Variants in PHF2 observed in about 807,000 individuals in gnomAD.
PHF2 encodes the protein PHD finger protein 2.
Under a neutral mutation model 120.5 loss-of-function variants are expected in PHF2, and 27 were observed. The observed-to-expected ratio is 0.22, with a 90% CI of 0.17 to 0.31. The LOEUF (loss-of-function observed/expected upper bound fraction) is 0.31. PHF2 is among the 10% of genes least tolerant of loss of function. The pLI is 1.00. For missense variants in PHF2, 1,024 were observed against 1,434.8 expected (o/e 0.71, Z 4.63); for synonymous variants, 568 against 592.5 (o/e 0.96, Z 0.60).
In PHF2 at chr9:93,656,235, C is replaced by G. The variant is rs1354600020; in HGVS notation, c.1040+214C>G. ...CAGGCCGGCTCCTCAAGGGACCTGG[C>G]TGCTGGATGGTTGTAGTTGCCCTTG... On this transcript the variant is annotated intron_variant, in intron 8 of 21. Coordinates refer to ENST00000359246, the MANE Select transcript of PHF2 (RefSeq NM_005392.4). This position sits in a 1 kb window ranked among gnomAD's most constrained non-coding sequence, Gnocchi z 4.1. Among the ~76,000 whole-genome samples the G allele has an allele frequency of 6.6e-6, 1 of 152,116 alleles. No individual in the cohort carries two copies. Among genetic ancestry groups the G allele is most frequent in the African/African-American group, 2.4e-5 (1 of 41,446 alleles).
chr9:93,659,118 G>T (rs1476204635), intron 10 of PHF2, among the ~76,000 whole-genome samples: 1 of 152,206 alleles, frequency 6.6e-6, no homozygotes, highest in Non-Finnish European at 1.5e-5. Context: ...GGCAGGAGAG[G>T]CAGCCAGTGC....
chr9:93,646,621 A>G (rs6479501), intron 4 of PHF2, among the ~76,000 whole-genome samples: 98,274 of 152,010 alleles, frequency 0.65, 32,268 homozygotes, highest in African/African-American at 0.69. Flanking sequence ...TGCACCCTTC[A>G]TGGGGTGTGT....
intron 1 of PHF2, among the ~76,000 whole-genome samples, chr9:93,610,547 T>C (rs1476265034): frequency 6.6e-6 from 1 of 152,256 alleles, no homozygotes; most frequent in East Asian, 1.9e-4. Flanking sequence ...TGTGATCTGA[T>C]CATTGCAACA....
At chr9:93,669,843 G>C (rs551528174) in intron 17 of PHF2, among the ~76,000 whole-genome samples, 2 of 152,322 alleles carry the variant, frequency 1.3e-5, no homozygotes, top group South Asian at 4.1e-4. Context: ...TCTGAACCAG[G>C]ACTGGTCCTG....
At chr9:93,613,270 G>T (rs1564381064) in intron 1 of PHF2, among the ~76,000 whole-genome samples, 1 of 152,244 alleles carries the variant, frequency 6.6e-6, no homozygotes, top group African/African-American at 2.4e-5. Flanking sequence ...CAGCACCTCA[G>T]CATAGACTCT....
intron 5 of PHF2, among the ~76,000 whole-genome samples, chr9:93,652,162 G>C (rs1179153695): frequency 6.6e-6 from 1 of 152,114 alleles, no homozygotes; most frequent in East Asian, 1.9e-4. Context: ...TTCGAGTAGA[G>C]ACAACAGCAC....
chr9:93,602,863 C>G (rs1444313660), intron 1 of PHF2, among the ~76,000 whole-genome samples: 1 of 152,136 alleles, frequency 6.6e-6, no homozygotes, highest in African/African-American at 2.4e-5. Flanking sequence ...TGTGGCCTAG[C>G]CTCAGGGCAG....
chr9:93,638,459 G>A (rs1002641214), intron 3 of PHF2, among the ~76,000 whole-genome samples: 3 of 152,202 alleles, frequency 2.0e-5, no homozygotes, highest in Admixed American at 6.5e-5. Context: ...TGTATATGGT[G>A]TGAGGTAAGG....
intron 1 of PHF2, among the ~76,000 whole-genome samples, chr9:93,597,916 A>C (rs769164615): frequency 6.6e-6 from 1 of 152,136 alleles, no homozygotes; most frequent in African/African-American, 2.4e-5. Context: ...CCAGGAGAGC[A>C]TCTTGGCCTG....
At chr9:93,658,009 T>G in intron 9 of PHF2, 136 bp from the exon 10 acceptor site, 1 of 618,706 alleles carries the variant, frequency 1.6e-6, no homozygotes, top group South Asian at 1.9e-5. Flanking sequence ...TGTTGGCAGT[T>G]GAGCTGGTGG....
chr9:93,662,836 A>T, intron 12 of PHF2, 71 bp from the exon 13 acceptor site: 1 of 1,576,870 alleles, frequency 6.3e-7, no homozygotes, highest in South Asian at 1.1e-5. Flanking sequence ...GAAGACAGGG[A>T]ATCTGTGGCT....
intron 1 of PHF2, among the ~76,000 whole-genome samples, chr9:93,600,685 G>A (rs1412048): frequency 0.37 from 56,998 of 152,056 alleles, 11,006 homozygotes; most frequent in Non-Finnish European, 0.4. Context: ...TGGTAACACA[G>A]GCTCCATGCT....
In PHF2 at chr9:93,677,511, T is replaced by TC. The variant is rs1276939749; in HGVS notation, c.3203-70dup. Reference sequence around the variant, plus strand: ...CTGCCCCTTAGTGTCAGCGGGACCCTCCCCCCCACCGGCATGCCACGCCCC... The same window carrying TC: ...CTGCCCCTTAGTGTCAGCGGGACCCTCCCCCCCCACCGGCATGCCACGCCCC... On this transcript the variant is annotated intron_variant, in intron 21 of 21. Transcript: ENST00000359246. The surrounding 1 kb of genome is among the most constrained non-coding windows in gnomAD (Gnocchi z 4.4). 6.1e-5 allele frequency: 64 copies of TC among 1,057,612 alleles called. No homozygotes were observed. Among genetic ancestry groups the TC allele is most frequent in the South Asian group, 4.5e-4 (33 of 73,790 alleles). The allele number at this position is 1,057,612 out of a possible 1,614,324, so 65.5% of individuals were successfully genotyped here. A position where few individuals can be genotyped will look rare whatever the true frequency, so the allele number is the denominator to read the frequency against.
chr9:93,674,120 C>A (rs1826864686), intron 18 of PHF2, among the ~76,000 whole-genome samples: 1 of 152,144 alleles, frequency 6.6e-6, no homozygotes, highest in East Asian at 1.9e-4. Context: ...AAAGTGAACT[C>A]CTGTTTTCTG....
intron 1 of PHF2, among the ~76,000 whole-genome samples, chr9:93,612,446 T>C (rs545596186): frequency 2.0e-5 from 3 of 152,360 alleles, no homozygotes; most frequent in South Asian, 2.1e-4. Flanking sequence ...AGAAATCTTA[T>C]TGCAGTTGCA....
chr9:93,675,139 T>C, intron 19 of PHF2, 117 bp downstream of exon 19: 5 of 812,968 alleles, frequency 6.2e-6, no homozygotes, highest in South Asian at 4.7e-5. Context: ...TGTCCTATCC[T>C]GAGGGCTGGG....
chr9:93,611,475 T>C (rs1156705847), intron 1 of PHF2, among the ~76,000 whole-genome samples: 2 of 152,214 alleles, frequency 1.3e-5, no homozygotes, highest in East Asian at 3.9e-4. Context: ...TTAAAATAGC[T>C]CTGATTTGAA....
intron 1 of PHF2, among the ~76,000 whole-genome samples, chr9:93,583,826 C>CTTTTTTTTTTTTTTTT (rs113746371): frequency 8.0e-6 from 1 of 124,630 alleles, no homozygotes; most frequent in Non-Finnish European, 1.7e-5. Context: ...TTTTTCTTTT[C>CTTTTTTTTTTTTTTTT]TTTTTTTTTT....
intron 14 of PHF2, 103 bp downstream of exon 14, chr9:93,663,738 A>G (rs1826623337): frequency 3.0e-6 from 2 of 671,404 alleles, no homozygotes. Flanking sequence ...CACACACATT[A>G]CACACACACT....
Sources: allele counts gnomAD v4.1 joint callset (sites outside exome capture counted in the v4.1 genomes callset), GRCh38; gene constraint gnomAD v4.1.1; non-coding constraint Gnocchi (gnomAD v3.1); transcripts MANE v1.5; gene names NCBI Gene and HGNC (gene_info 2026-07-23, HGNC 2026-07-21).